DYRK3: variants seen among roughly 807,000 people sequenced by gnomAD.
DYRK3 encodes the protein dual specificity tyrosine-phosphorylation-regulated kinase 3.
In DYRK3, 30 loss-of-function variants were observed where a neutral mutation model predicts 40.8. The observed-to-expected ratio is 0.74, with a 90% confidence interval of 0.55 to 1.00. The LOEUF (loss-of-function observed/expected upper bound fraction) is 1.00, where lower values mean the gene tolerates loss of function less well. Among genes scored for constraint, DYRK3 ranks in the 50% least tolerant of loss-of-function variants. The pLI, the probability that DYRK3 is intolerant of heterozygous loss-of-function variation, is 0.00. For missense variants in DYRK3, 699 were observed against 731.5 expected (o/e 0.96, Z 0.51); for synonymous variants, 272 against 260.7 (o/e 1.04, Z -0.42).
chr1:206,636,948 G>GA (rs1450410614), intron 1 of DYRK3: 1 of 1,611,996 alleles, frequency 6.2e-7, no homozygotes, highest in African/African-American at 1.3e-5. Context: ...CCATCCACCA[G>GA]AAAATGAAGT....
chr1:206,653,060 C>T lies in DYRK3; in HGVS notation c.*4095C>T, dbSNP rs577250680. 1.3e-5 allele frequency among the ~76,000 whole-genome samples: 2 copies of T among 152,186 alleles called. No individual in the cohort carries two copies. Among genetic ancestry groups the T allele is most frequent in the South Asian group, 2.1e-4 (1 of 4,816 alleles). ...TTTTTGAGACAGAGTCTCGCTCTGT[C>T]GTCCAGGCTGGAGTGAAGTGGCGCA... On this transcript the variant is annotated 3_prime_UTR_variant, in exon 3 of 3. Coordinates refer to ENST00000367109, the MANE Select transcript of DYRK3 (RefSeq NM_003582.4).
chr1:206,646,873 G>A (rs1478815231), intron 2 of DYRK3, among the ~76,000 whole-genome samples: 2 of 152,048 alleles, frequency 1.3e-5, no homozygotes, highest in Non-Finnish European at 2.9e-5. Context: ...TTAATATTTG[G>A]GAAGATACTT....
rs1413285924 is a variant in DYRK3, at chr1:206,649,158, T to C, written c.*193T>C. On this transcript the variant is annotated 3_prime_UTR_variant, in exon 3 of 3. Coordinates refer to ENST00000367109, the MANE Select transcript of DYRK3 (RefSeq NM_003582.4). Reference sequence around the variant, plus strand: ...TTACCTAACCAGCTTGTATTGGCCATCTGGAATATGCATTAAATGACTTTT... The same window carrying C: ...TTACCTAACCAGCTTGTATTGGCCACCTGGAATATGCATTAAATGACTTTT... 2 of 569,044 alleles carry C rather than the reference T, an allele frequency of 3.5e-6. No homozygotes were observed. The highest frequency in any genetic ancestry group is 3.0e-5 in the East Asian group (1 of 33,848). 35.2% of individuals were successfully genotyped at this position (569,044 alleles called of 1,614,324 possible).
chr1:206,647,898 T>C lies in DYRK3; in HGVS notation c.700T>C (p.Tyr234His). 1 of 1,614,074 alleles carries C rather than the reference T, an allele frequency of 6.2e-7. No individual in the cohort carries two copies. Among genetic ancestry groups the C allele is most frequent in the Non-Finnish European group, 8.5e-7 (1 of 1,180,010 alleles). ...ARVYDHKLRQYVALKMVRNEK... is the reference protein window; with the variant it reads ...ARVYDHKLRQHVALKMVRNEK... ...GGTCTATGATCACAAACTTCGACAGTACGTGGCCCTAAAAATGGTGCGCAA... is the reference window on the plus strand; with the variant it reads ...GGTCTATGATCACAAACTTCGACAGCACGTGGCCCTAAAAATGGTGCGCAA... Residue 234 changes from tyrosine (Y) to histidine (H), a missense_variant, in exon 3 of 3, where the codon TAC (tyrosine) becomes CAC (histidine). Tyr to His is a moderately conservative substitution (Grantham distance 83, BLOSUM62 2). Coordinates refer to ENST00000367109, the MANE Select transcript of DYRK3 (RefSeq NM_003582.4).
chr1:206,648,208 A>C lies in DYRK3; in HGVS notation c.1010A>C (p.Lys337Thr). The change falls in exon 3 of 3, where the codon AAG becomes ACG. Residue 337 changes from lysine to threonine, a missense_variant. Physicochemically the swap from Lys to Thr is moderately conservative, Grantham distance 78. Coordinates refer to ENST00000367109, the MANE Select transcript of DYRK3 (RefSeq NM_003582.4). ...HKNKIIHCDLKPENILLKHHG... is the reference protein window; with the variant it reads ...HKNKIIHCDLTPENILLKHHG... ...AATAAGATTATTCACTGCGATCTGA[A>C]GCCAGAAAACATTCTCCTGAAACAC... The C allele has an allele frequency of 6.2e-7, 1 of 1,614,196 alleles. No individual in the cohort carries two copies. Among genetic ancestry groups the C allele is most frequent in the Non-Finnish European group, 8.5e-7 (1 of 1,180,036 alleles).
Position 206,637,706 on chromosome 1 carries a change from C to A in DYRK3, c.134C>A (p.Pro45His). ...ATGATAGATGAAACCAAATGTCCCCCCTGTTCAAATGTACTCTGCAATCCT... is the reference window on the plus strand; with the variant it reads ...ATGATAGATGAAACCAAATGTCCCCACTGTTCAAATGTACTCTGCAATCCT... Reference protein sequence around the residue: ...FMMIDETKCPPCSNVLCNPSE... With the variant: ...FMMIDETKCPHCSNVLCNPSE... Residue 45 changes from proline (P) to histidine (H), a missense_variant, in exon 2 of 3, where the codon CCC becomes CAC. Transcript: ENST00000367109. 1 of 1,614,042 alleles carries A rather than the reference C, an allele frequency of 6.2e-7. No individual in the cohort carries two copies. The highest frequency in any genetic ancestry group is 8.5e-7 in the Non-Finnish European group (1 of 1,179,976).
Position 206,647,607 on chromosome 1 carries a change from A to C in DYRK3, c.409A>C (p.Lys137Gln). The change falls in exon 3 of 3, where the codon AAA becomes CAA. Residue 137 changes from lysine (K) to glutamine (Q), a missense_variant. Coordinates refer to ENST00000367109, the MANE Select transcript of DYRK3 (RefSeq NM_003582.4). ...ATCCAACAGTTCATCCAAGGCACCC[A>C]AAGTGGTGCCTCTGACTCCAGAACA... is the stretch of plus-strand genomic sequence containing the variant. Reference protein sequence around the residue: ...VKSNSSSKAPKVVPLTPEQAL... With the variant: ...VKSNSSSKAPQVVPLTPEQAL... The C allele has an allele frequency of 6.2e-7, 1 of 1,614,204 alleles. No individual in the cohort carries two copies. The highest frequency in any genetic ancestry group is 8.5e-7 in the Non-Finnish European group (1 of 1,180,036).
At position 206,635,672 on chromosome 1, in the gene DYRK3, G is replaced by T; in HGVS notation, c.-32G>T. On this transcript the variant is annotated 5_prime_UTR_variant, in exon 1 of 3. Transcript: ENST00000367109. ...GTGGCCGACCGGACCCCCAACTGGC[G>T]CCTCTCCCCGCGCGGGGTCCCGAGC... The T allele has an allele frequency of 8.0e-7, 1 of 1,245,382 alleles. No homozygotes were observed. 77.1% of individuals were successfully genotyped at this position (1,245,382 alleles called of 1,614,324 possible).
At chr1:206,643,298 CT>C (rs1228853629) in intron 2 of DYRK3, among the ~76,000 whole-genome samples, 3 of 152,086 alleles carry the variant, frequency 2.0e-5, no homozygotes, top group Non-Finnish European at 2.9e-5. Flanking sequence ...TTTAGGCTTA[CT>C]TTAAGGAAAA....
At position 206,648,435 on chromosome 1, in the gene DYRK3, G is replaced by T. The variant is rs782153334; in HGVS notation, c.1237G>T (p.Asp413Tyr). The change falls in exon 3 of 3, where the codon GAT becomes TAT. Residue 413 changes from aspartate to tyrosine, a missense_variant. Coordinates refer to ENST00000367109, the MANE Select transcript of DYRK3 (RefSeq NM_003582.4). ...AGGACAGCCTCTCTTCCCTGGAGAG[G>T]ATGAAGGAGACCAGTTGGCCTGCAT... ...LTGQPLFPGE[D>Y]EGDQLACMME... 6.2e-7 allele frequency: 1 copy of T among 1,614,046 alleles called. No individual in the cohort carries two copies. The highest frequency in any genetic ancestry group is 8.5e-7 in the Non-Finnish European group (1 of 1,180,020).
At chr1:206,641,240 ATC>A (rs1671281095) in intron 2 of DYRK3, among the ~76,000 whole-genome samples, 1 of 152,028 alleles carries the variant, frequency 6.6e-6, no homozygotes, top group African/African-American at 2.4e-5. Flanking sequence ...CTACCACCCT[ATC>A]CCCCAAGTCC....
At chr1:206,643,351 G>A (rs1433262545) in intron 2 of DYRK3, among the ~76,000 whole-genome samples, 1 of 152,168 alleles carries the variant, frequency 6.6e-6, no homozygotes, top group East Asian at 1.9e-4. Flanking sequence ...TAATATTATT[G>A]TAATAGTTCT....
chr1:206,635,850 G>C (rs910132181), intron 1 of DYRK3, 70 bp downstream of exon 1: 21 of 1,240,564 alleles, frequency 1.7e-5, no homozygotes, highest in South Asian at 3.7e-5. Context: ...GCGAAGCTTG[G>C]GGGTGGGGAG....
In DYRK3 at chr1:206,655,157, A is replaced by G. The variant is rs1424723929; in HGVS notation, c.*6192A>G. Among the ~76,000 whole-genome samples the G allele has an allele frequency of 1.3e-5, 2 of 152,178 alleles. No homozygotes were observed. The highest frequency in any genetic ancestry group is 2.9e-5 in the Non-Finnish European group (2 of 68,038). On this transcript the variant is annotated 3_prime_UTR_variant, in exon 3 of 3. Coordinates refer to ENST00000367109, the MANE Select transcript of DYRK3 (RefSeq NM_003582.4). The stretch of plus-strand genomic sequence containing the variant: ...AAAAATAAAAATGAATTGCTTTGAG[A>G]ATTTTTTAGCATCCTGATTGTTTCA...
chr1:206,647,973 C>T lies in DYRK3; in HGVS notation c.775C>T (p.His259Tyr). Reference protein sequence around the residue: ...QAAEEIRILEHLKKQDKTGSM... With the variant: ...QAAEEIRILEYLKKQDKTGSM... The stretch of plus-strand genomic sequence containing the variant: ...AGCTGAGGAGATCCGGATTTTGGAG[C>T]ATCTTAAGAAACAGGATAAAACTGG... The change falls in exon 3 of 3, where the codon CAT becomes TAT. Residue 259 changes from histidine to tyrosine, a missense_variant. His to Tyr is a moderately conservative substitution (Grantham distance 83). Coordinates refer to ENST00000367109, the MANE Select transcript of DYRK3 (RefSeq NM_003582.4). 2 of 1,614,074 alleles carry T rather than the reference C, an allele frequency of 1.2e-6. No individual in the cohort carries two copies. The highest frequency in any genetic ancestry group is 1.7e-6 in the Non-Finnish European group (2 of 1,180,026).
rs552187736 is a variant in DYRK3, at chr1:206,651,687, G to A, written c.*2722G>A. 6.6e-6 allele frequency among the ~76,000 whole-genome samples: 1 copy of A among 152,298 alleles called. No individual in the cohort carries two copies. The highest frequency in any genetic ancestry group is 1.5e-5 in the Non-Finnish European group (1 of 68,018). On this transcript the variant is annotated 3_prime_UTR_variant, in exon 3 of 3. Coordinates refer to ENST00000367109, the MANE Select transcript of DYRK3 (RefSeq NM_003582.4). Reference sequence around the variant, plus strand: ...TATCGAGTCCTTGAACTGCTAGCCAGGTAGATGTTTCCTTGAAGTCCAGAG... The same window carrying A: ...TATCGAGTCCTTGAACTGCTAGCCAAGTAGATGTTTCCTTGAAGTCCAGAG...
chr1:206,639,104 C>T lies in DYRK3; in HGVS notation c.189+1343C>T, dbSNP rs562202561. On this transcript the variant is annotated intron_variant, in intron 2 of 2. Coordinates refer to ENST00000367109, the MANE Select transcript of DYRK3 (RefSeq NM_003582.4). ...CCATGTTAGTCAGGCTGGTCTAACT[C>T]CTGACCTTAAGTGGTCCACTTCCCT... 2.0e-5 allele frequency among the ~76,000 whole-genome samples: 3 copies of T among 152,278 alleles called. No individual in the cohort carries two copies. In the South Asian group the frequency reaches 6.2e-4, roughly 32 times the overall value.
In DYRK3 at chr1:206,649,115, G is replaced by T. The variant is rs201440619; in HGVS notation, c.*150G>T. ...AAAACATTTTTATATGATTATAAAAGAATTCTTCAAGGGCTAATTACCTAA... is the reference window on the plus strand; with the variant it reads ...AAAACATTTTTATATGATTATAAAATAATTCTTCAAGGGCTAATTACCTAA... On this transcript the variant is annotated 3_prime_UTR_variant, in exon 3 of 3. Transcript: ENST00000367109. 8 of 853,698 alleles carry T rather than the reference G, an allele frequency of 9.4e-6. No homozygotes were observed. Among genetic ancestry groups the T allele is most frequent in the Admixed American group, 6.3e-5 (2 of 31,794 alleles). The allele number at this position is 853,698 out of a possible 1,614,324, so 52.9% of individuals were successfully genotyped here. A position where few individuals can be genotyped will look rare whatever the true frequency, so the allele number is the denominator to read the frequency against.
rs782249196 is a variant in DYRK3 at position 206,648,258 on chromosome 1, A to G, written c.1060A>G (p.Ile354Val). The G allele has an allele frequency of 2.5e-6, 4 of 1,614,190 alleles. No homozygotes were observed. Among genetic ancestry groups the G allele is most frequent in the Middle Eastern group, 1.6e-4 (1 of 6,062 alleles). The change falls in exon 3 of 3, where the codon ATT becomes GTT. Residue 354 changes from isoleucine to valine, a missense_variant. Ile to Val is a conservative substitution (Grantham distance 29, BLOSUM62 3). Transcript: ENST00000367109. ...CCACGGGCGCAGTTCAACCAAGGTC[A>G]TTGACTTTGGGTCCAGCTGTTTCGA... Reference protein sequence around the residue: ...KHHGRSSTKVIDFGSSCFEYQ... With the variant: ...KHHGRSSTKVVDFGSSCFEYQ...
Sources: allele counts gnomAD v4.1 joint callset (sites outside exome capture counted in the v4.1 genomes callset), GRCh38; gene constraint gnomAD v4.1.1; transcripts MANE v1.5; gene names NCBI Gene and HGNC (gene_info 2026-07-23, HGNC 2026-07-21).